Variants in PHACTR2 observed in about 807,000 individuals in gnomAD.
PHACTR2 encodes phosphatase and actin regulator 2.
In PHACTR2, 30 loss-of-function variants were observed where a neutral mutation model predicts 76.0. That is an observed-to-expected ratio of 0.39 (90% CI 0.30 to 0.54). The LOEUF (loss-of-function observed/expected upper bound fraction) is 0.54, where lower values mean the gene tolerates loss of function less well. Ranked by LOEUF, PHACTR2 falls within the 20% of genes least tolerant of loss-of-function variation. PHACTR2 has a pLI of 0.61. For synonymous variants in PHACTR2, 292 were observed against 292.5 expected (o/e 1.00, Z 0.02); for missense variants, 696 against 781.1 (o/e 0.89, Z 1.30).
At chr6:143,768,813 T>C (rs965333301) in intron 6 of PHACTR2, among the ~76,000 whole-genome samples, 2 of 152,238 alleles carry the variant, frequency 1.3e-5, no homozygotes, top group African/African-American at 4.8e-5. Flanking sequence ...GTAGTTATAA[T>C]GCTTTCCTAG....
Position 143,772,865 on chromosome 6 carries a change from C to A in PHACTR2, c.1432+408C>A, listed in dbSNP as rs1011613129. Among the ~76,000 whole-genome samples, 1 of 152,154 alleles carries A rather than the reference C, an allele frequency of 6.6e-6. No individual in the cohort carries two copies. Among genetic ancestry groups the A allele is most frequent in the African/African-American group, 2.4e-5 (1 of 41,424 alleles). ...ATTGGAGGTGTTTGAAATTTTCACT[C>A]GCTTTTGTACTGGGGTTTATAGAAA... is the stretch of plus-strand genomic sequence containing the variant. On this transcript the variant is annotated intron_variant, in intron 7 of 12. Coordinates refer to ENST00000440869, the MANE Select transcript of PHACTR2 (RefSeq NM_001100164.2). The surrounding 1 kb of genome is among the most constrained non-coding windows in gnomAD (Gnocchi z 5.4).
rs1169332129 is a variant in PHACTR2, at chr6:143,589,467, C to G, written c.217+52260C>G. On this transcript the variant is annotated intron_variant, in intron 1 of 11. Coordinates refer to the PHACTR2 transcript ENST00000367584. This position sits in a 1 kb window ranked among gnomAD's most constrained non-coding sequence, Gnocchi z 4.4. ...GGCCTCCCCAGTCATGCTTCCTGTA[C>G]AGCCTGTGGAACCATGAGCCAAGGA... 6.6e-6 allele frequency among the ~76,000 whole-genome samples: 1 copy of G among 152,140 alleles called. No individual in the cohort carries two copies. The highest frequency in any genetic ancestry group is 1.5e-5 in the Non-Finnish European group (1 of 68,026).
Position 143,617,278 on chromosome 6 carries a change from C to A in PHACTR2, c.13+8956C>A, listed in dbSNP as rs746169624. ...CATGACGCTGATGGAATTCAACACC[C>A]AGTTTTGTACTTACTGGAAGTTCAT... On this transcript the variant is annotated intron_variant, in intron 1 of 11. Transcript: ENST00000305766. This position sits in a 1 kb window ranked among gnomAD's most constrained non-coding sequence, Gnocchi z 4.8. Among the ~76,000 whole-genome samples the A allele has an allele frequency of 2.0e-5, 3 of 152,186 alleles. No homozygotes were observed. The highest frequency in any genetic ancestry group is 2.9e-5 in the Non-Finnish European group (2 of 68,036).
intron 1 of PHACTR2, among the ~76,000 whole-genome samples, chr6:143,699,369 A>G (rs1027908961): frequency 6.6e-6 from 1 of 152,124 alleles, no homozygotes; most frequent in Non-Finnish European, 1.5e-5. Context: ...ATGAACTTAA[A>G]ACAAACAGCA....
chr6:143,612,610 TAC>T (rs10539480), intron 1 of PHACTR2, among the ~76,000 whole-genome samples: 122,026 of 151,702 alleles, frequency 0.8, 49,508 homozygotes, highest in Middle Eastern at 0.9. Context: ...ATGTTATATA[TAC>T]ACACACACAC....
At position 143,764,603 on chromosome 6, in the gene PHACTR2, G is replaced by C. The variant is rs1008951058; in HGVS notation, c.695-658G>C. On this transcript the variant is annotated intron_variant, in intron 5 of 12. Coordinates refer to ENST00000440869, the MANE Select transcript of PHACTR2 (RefSeq NM_001100164.2). This position sits in a 1 kb window ranked among gnomAD's most constrained non-coding sequence, Gnocchi z 4.7. Reference sequence around the variant, plus strand: ...TTTTCTGGCCTTTTGATGCTTTGAAGGGAGTGTACCTTTCCTGTGTGGCCA... The same window carrying C: ...TTTTCTGGCCTTTTGATGCTTTGAACGGAGTGTACCTTTCCTGTGTGGCCA... Among the ~76,000 whole-genome samples, 2 of 152,044 alleles carry C rather than the reference G, an allele frequency of 1.3e-5. No individual in the cohort carries two copies. The highest frequency in any genetic ancestry group is 4.8e-5 in the African/African-American group (2 of 41,474).
chr6:143,773,347 C>T (rs930773484), intron 7 of PHACTR2, among the ~76,000 whole-genome samples: 7 of 151,904 alleles, frequency 4.6e-5, no homozygotes, highest in African/African-American at 1.7e-4. Context: ...GCAAAAACCA[C>T]AATTACTTTT....
intron 1 of PHACTR2, among the ~76,000 whole-genome samples, chr6:143,572,432 T>A (rs1462058160): frequency 6.6e-6 from 1 of 152,230 alleles, no homozygotes; most frequent in Non-Finnish European, 1.5e-5. Flanking sequence ...AACTATATAT[T>A]TTTTCAAAAT....
In PHACTR2 at chr6:143,591,300, G is replaced by A. The variant is rs936044464; in HGVS notation, c.217+54093G>A. Among the ~76,000 whole-genome samples the A allele has an allele frequency of 1.6e-4, 24 of 152,142 alleles. No individual in the cohort carries two copies. Among genetic ancestry groups the A allele is most frequent in the African/African-American group, 5.8e-4 (24 of 41,424 alleles). ...AGAATTCTTTAGAGATAAGCATGGAGGTGGGCCATTCCAGGGTACATTTAG... is the reference window on the plus strand; with the variant it reads ...AGAATTCTTTAGAGATAAGCATGGAAGTGGGCCATTCCAGGGTACATTTAG... On this transcript the variant is annotated intron_variant, in intron 1 of 11. Transcript: ENST00000367584. This position sits in a 1 kb window ranked among gnomAD's most constrained non-coding sequence, Gnocchi z 6.4.
intron 1 of PHACTR2, among the ~76,000 whole-genome samples, chr6:143,657,385 G>C (rs1390342971): frequency 6.6e-6 from 1 of 151,880 alleles, no homozygotes; most frequent in African/African-American, 2.4e-5. Context: ...GCCCTTCCCA[G>C]TCAGTCCCCA....
intron 1 of PHACTR2, among the ~76,000 whole-genome samples, chr6:143,668,673 A>G (rs779817202): frequency 3.3e-5 from 5 of 152,118 alleles, no homozygotes. Context: ...AGAGGTGTTT[A>G]TAGTATTCTC....
chr6:143,789,030 T>G lies in PHACTR2; in HGVS notation c.1845+120T>G, dbSNP rs1449666038. 1.2e-6 allele frequency: 1 copy of G among 817,108 alleles called. No homozygotes were observed. The highest frequency in any genetic ancestry group is 2.6e-5 in the East Asian group (1 of 38,210). The allele number at this position is 817,108 out of a possible 1,614,324, so 50.6% of individuals were successfully genotyped here. A position where few individuals can be genotyped will look rare whatever the true frequency, so the allele number is the denominator to read the frequency against. On this transcript the variant is annotated intron_variant, in intron 11 of 12. Coordinates refer to ENST00000440869, the MANE Select transcript of PHACTR2 (RefSeq NM_001100164.2). The surrounding 1 kb of genome is among the most constrained non-coding windows in gnomAD (Gnocchi z 5.1). ...ATCTTACCAAATATTACAACAGTTT[T>G]CTGCCTCTGATTATTTAAGCCACTT...
rs1778668876 is a variant in PHACTR2 at position 143,730,137 on chromosome 6, A to C, written c.214+17954A>C. On this transcript the variant is annotated intron_variant, in intron 2 of 12. Transcript: ENST00000440869. The surrounding 1 kb of genome is among the most constrained non-coding windows in gnomAD (Gnocchi z 4.8). ...TTCTTCATTTAAAATTGTTTTAACT[A>C]ATCTAGTTTGTTTGGCTTTCATTTA... Among the ~76,000 whole-genome samples the C allele has an allele frequency of 6.6e-6, 1 of 152,160 alleles. No individual in the cohort carries two copies.
At chr6:143,576,851 G>A (rs1279511937) in intron 1 of PHACTR2, among the ~76,000 whole-genome samples, 2 of 135,962 alleles carry the variant, frequency 1.5e-5, no homozygotes, top group African/African-American at 5.6e-5. Context: ...ACTCCAGCCT[G>A]GGTGACAGAG....
chr6:143,790,831 G>A (rs1194380816), intron 11 of PHACTR2, among the ~76,000 whole-genome samples: 6 of 151,878 alleles, frequency 4.0e-5, no homozygotes, highest in African/African-American at 4.8e-5. Context: ...CCGCCACCAC[G>A]CCCAGCTATT....
upstream of PHACTR2, among the ~76,000 whole-genome samples, chr6:143,606,534 A>ATCT (rs1775875497): frequency 2.0e-5 from 3 of 152,216 alleles, no homozygotes; most frequent in Non-Finnish European, 4.4e-5. Flanking sequence ...CATATTAGGC[A>ATCT]ATAGGCACTG....
In PHACTR2 at chr6:143,739,898, A is replaced by C. The variant is rs1443942250; in HGVS notation, c.215-9087A>C. Among the ~76,000 whole-genome samples the C allele has an allele frequency of 1.3e-5, 2 of 152,086 alleles. No homozygotes were observed. The highest frequency in any genetic ancestry group is 1.3e-4 in the Admixed American group (2 of 15,268). On this transcript the variant is annotated intron_variant, in intron 2 of 12. Transcript: ENST00000440869. The surrounding 1 kb of genome is among the most constrained non-coding windows in gnomAD (Gnocchi z 4.3). Reference sequence around the variant, plus strand: ...ACCTCCTACTACCTGAAATTTGTAAACTATTATATACTTTTGTTACAGGAA... The same window carrying C: ...ACCTCCTACTACCTGAAATTTGTAACCTATTATATACTTTTGTTACAGGAA...
chr6:143,705,192 C>A (rs1778020161), intron 1 of PHACTR2, among the ~76,000 whole-genome samples: 1 of 151,890 alleles, frequency 6.6e-6, no homozygotes, highest in Non-Finnish European at 1.5e-5. Context: ...GATCTTGGCT[C>A]ACTGCAGCCT....
rs1775773570 is a variant in PHACTR2, at chr6:143,794,022, A to G, written c.1845+5112A>G. ...TATATTGTATATACACAAGTGATGA[A>G]TATTCATTGGGCCATATCTGAATAT... On this transcript the variant is annotated intron_variant, in intron 11 of 12. Transcript: ENST00000440869. This position sits in a 1 kb window ranked among gnomAD's most constrained non-coding sequence, Gnocchi z 4.1. Among the ~76,000 whole-genome samples the G allele has an allele frequency of 6.6e-6, 1 of 152,048 alleles. No homozygotes were observed. The highest frequency in any genetic ancestry group is 2.4e-5 in the African/African-American group (1 of 41,424).
Sources: gnomAD v4.1 joint callset for allele counts (sites outside exome capture counted in the v4.1 genomes callset) on GRCh38, gnomAD v4.1.1 for gene constraint, Gnocchi (gnomAD v3.1) non-coding constraint, MANE v1.5 for transcripts, NCBI Gene and HGNC (gene_info 2026-07-23, HGNC 2026-07-21) for gene names.